Variants in PUM1 observed in about 807,000 individuals in gnomAD.
PUM1 encodes the protein pumilio RNA binding family member 1.
PUM1 carries 13 observed loss-of-function variants against 131.8 expected under a neutral mutation model. That is an observed-to-expected ratio of 0.10 (90% CI 0.06 to 0.16). The LOEUF (loss-of-function observed/expected upper bound fraction) is 0.16, where lower values mean the gene tolerates loss of function less well. Ranked by LOEUF, PUM1 falls within the 10% of genes least tolerant of loss-of-function variation. The pLI is 1.00. For missense variants in PUM1, 961 were observed against 1,512.4 expected, an observed-to-expected ratio of 0.64 and a Z score of 6.05; for synonymous variants, 509 against 556.5, an observed-to-expected ratio of 0.91 and a Z score of 1.20.
chr1:31,065,616 G>A lies in PUM1; in HGVS notation c.-12C>T, dbSNP rs1023736812. ...GGGCCGGTGGGGTGCGGATACTCAC[G>A]GGCGGAGCGGTAGGATGAAGATGGA... is the stretch of plus-strand genomic sequence containing the variant. On this transcript the variant is annotated splice_region_variant and 5_prime_UTR_variant, in exon 1 of 22. Coordinates refer to ENST00000426105, the MANE Select transcript of PUM1 (RefSeq NM_001020658.2). 3 of 1,546,864 alleles carry A rather than the reference G, an allele frequency of 1.9e-6. No individual in the cohort carries two copies. The highest frequency in any genetic ancestry group is 2.6e-6 in the Non-Finnish European group (3 of 1,146,514).
In PUM1 at chr1:30,942,755, C is replaced by T. The variant is rs138328242; in HGVS notation, c.2995-632G>A. 7.2e-5 allele frequency among the ~76,000 whole-genome samples: 11 copies of T among 152,276 alleles called. No individual in the cohort carries two copies. The East Asian group carries it at 1.9e-3, about 27-fold the overall frequency. On this transcript the variant is annotated intron_variant, in intron 18 of 21. Coordinates refer to ENST00000426105, the MANE Select transcript of PUM1 (RefSeq NM_001020658.2). ...GATGCTTGCCAAGTGTAAGTCATCA[C>T]ACCCAGTGCTTTCTGTATGATTTTG...
intron 17 of PUM1, among the ~76,000 whole-genome samples, chr1:30,946,095 G>C (rs1229541994): frequency 1.3e-5 from 2 of 151,208 alleles, no homozygotes; most frequent in Non-Finnish European, 2.9e-5. Flanking sequence ...AACTCCTAGA[G>C]CTTAAAAAAA....
At chr1:31,055,723 G>C (rs1392017483) in intron 2 of PUM1, among the ~76,000 whole-genome samples, 1 of 152,208 alleles carries the variant, frequency 6.6e-6, no homozygotes, top group East Asian at 1.9e-4. Flanking sequence ...GATTCCTTAT[G>C]ATAGGGCTCA....
Position 31,065,715 on chromosome 1 carries a change from A to T in PUM1, c.-111T>A. 1.3e-6 allele frequency: 2 copies of T among 1,547,404 alleles called. No homozygotes were observed. Among genetic ancestry groups the T allele is most frequent in the Non-Finnish European group, 1.7e-6 (2 of 1,146,310 alleles). ...TTTCACTCCGACAACATGGCGGCCC[A>T]CTGGGGACTGGGTTGGCGCGGTGCA... On this transcript the variant is annotated 5_prime_UTR_variant, in exon 1 of 22. Coordinates refer to ENST00000426105, the MANE Select transcript of PUM1 (RefSeq NM_001020658.2).
intron 1 of PUM1, chr1:31,061,622 A>T (rs892034864): frequency 2.0e-5 from 3 of 151,338 alleles, no homozygotes; most frequent in Admixed American, 6.6e-5. Flanking sequence ...AAATAAAATA[A>T]TTTTTTTAAA....
chr1:31,003,602 C>A (rs1642294319), intron 5 of PUM1, among the ~76,000 whole-genome samples: 1 of 152,020 alleles, frequency 6.6e-6, no homozygotes, highest in Non-Finnish European at 1.5e-5. Context: ...ACTAAAAATA[C>A]AAAAATTACC....
At chr1:31,038,984 A>ATATATATATATAT in intron 2 of PUM1, among the ~76,000 whole-genome samples, 45 of 49,406 alleles carry the variant, frequency 9.1e-4, no homozygotes, top group Non-Finnish European at 1.2e-3. Flanking sequence ...ATATATATAT[A>ATATATATATATAT]TTTTTTTTTT....
At chr1:30,960,613 A>G (rs1030123252) in intron 14 of PUM1, among the ~76,000 whole-genome samples, 1 of 152,226 alleles carries the variant, frequency 6.6e-6, no homozygotes, top group Non-Finnish European at 1.5e-5. Flanking sequence ...ATAGTCTATC[A>G]AAAGATAAAA....
rs185785775 is a variant in PUM1 at position 30,935,027 on chromosome 1, C to T, written c.3435+1616G>A. ...CTCCCTCAGCCAACCAACTGCTAAGCCCTACCAATTCTAGCACCCTATTCT... is the reference window on the plus strand; with the variant it reads ...CTCCCTCAGCCAACCAACTGCTAAGTCCTACCAATTCTAGCACCCTATTCT... On this transcript the variant is annotated intron_variant, in intron 21 of 21. Coordinates refer to ENST00000426105, the MANE Select transcript of PUM1 (RefSeq NM_001020658.2). Among the ~76,000 whole-genome samples the T allele has an allele frequency of 1.6e-3, 241 of 152,296 alleles. 1 individual carries two copies. Among genetic ancestry groups the T allele is most frequent in the Non-Finnish European group, 1.0e-3 (69 of 68,022 alleles).
intron 2 of PUM1, among the ~76,000 whole-genome samples, chr1:31,039,222 A>ATT (rs1321020031): frequency 1.8e-5 from 2 of 111,930 alleles, no homozygotes; most frequent in African/African-American, 6.9e-5. Flanking sequence ...CAAAAAAAAA[A>ATT]TTTTTTTTTT....
At chr1:30,994,010 C>T (rs113509933) in intron 6 of PUM1, among the ~76,000 whole-genome samples, 10 of 152,240 alleles carry the variant, frequency 6.6e-5, no homozygotes, top group African/African-American at 2.4e-4. Flanking sequence ...GTGGTGGCTG[C>T]AGTGAGCTAA....
At chr1:30,985,701 G>C (rs1641529912) in intron 7 of PUM1, among the ~76,000 whole-genome samples, 1 of 149,910 alleles carries the variant, frequency 6.7e-6, no homozygotes, top group Admixed American at 6.6e-5. Flanking sequence ...AGGACCACCA[G>C]CTGCTATCAG....
rs979610761 is a variant in PUM1, at chr1:31,005,674, T to C, written c.720+179A>G. Among the ~76,000 whole-genome samples, 9 of 152,214 alleles carry C rather than the reference T, an allele frequency of 5.9e-5. No homozygotes were observed. The South Asian group carries it at 1.2e-3, about 21-fold the overall frequency. ...TTAGTTTTTAAAAGTTGAGTTTACA[T>C]CTCCTACTATGTTTGCTGAGTTCTA... On this transcript the variant is annotated intron_variant, in intron 5 of 21. Transcript: ENST00000426105.
Position 30,974,778 on chromosome 1 carries a change from T to C in PUM1, c.1379A>G (p.Tyr460Cys), listed in dbSNP as rs1405560617. 6.2e-7 allele frequency: 1 copy of C among 1,612,656 alleles called. No individual in the cohort carries two copies. The highest frequency in any genetic ancestry group is 8.5e-7 in the Non-Finnish European group (1 of 1,179,552). The change falls in exon 10 of 22, where the codon TAT becomes TGT. Residue 460 changes from tyrosine to cysteine, a missense_variant. By Grantham distance (194) the Tyr-to-Cys change is radical. Around this residue, in one of 4 missense-constraint regions of PUM1, gnomAD observed 654 missense variants for 923.9 expected, o/e 0.71. Transcript: ENST00000426105. Reference sequence around the variant, plus strand: ...GACTCCCCAGGGAGTAACTCCATAATACTGGTGAGGGACCACAGCTGGGCC... The same window carrying C: ...GACTCCCCAGGGAGTAACTCCATAACACTGGTGAGGGACCACAGCTGGGCC... ...TLGPAVVPHQ[Y>C]YGVTPWGVYP...
At chr1:30,979,423 G>C (rs1470431689) in intron 9 of PUM1, among the ~76,000 whole-genome samples, 1 of 152,152 alleles carries the variant, frequency 6.6e-6, no homozygotes, top group African/African-American at 2.4e-5. Flanking sequence ...CATGGTGATA[G>C]AGCCCTATAT....
chr1:30,988,639 T>C (rs1364375647), intron 7 of PUM1, among the ~76,000 whole-genome samples: 2 of 152,346 alleles, frequency 1.3e-5, no homozygotes, highest in East Asian at 3.9e-4. Flanking sequence ...TCATCAGTAC[T>C]GTCTGAGACT....
intron 2 of PUM1, among the ~76,000 whole-genome samples, chr1:31,040,540 G>A (rs556709517): frequency 1.6e-4 from 24 of 152,254 alleles, no homozygotes; most frequent in African/African-American, 5.5e-4. Flanking sequence ...AATAGGATGG[G>A]TATTCACAAA....
Position 31,018,999 on chromosome 1 carries a change from G to T in PUM1, c.432+9797C>A, listed in dbSNP as rs1208443730. ...CTGAAGATCCTCTATAGGCTGCTGG[G>T]CGACAGTAAGAGCAAAAAGAGCAAT... is the stretch of plus-strand genomic sequence containing the variant. On this transcript the variant is annotated intron_variant, in intron 3 of 21. Transcript: ENST00000426105. 1.2e-4 allele frequency among the ~76,000 whole-genome samples: 18 copies of T among 152,324 alleles called. No homozygotes were observed. The East Asian group carries it at 3.3e-3, about 28-fold the overall frequency.
intron 5 of PUM1, among the ~76,000 whole-genome samples, chr1:30,998,597 G>C (rs1642070781): frequency 6.6e-6 from 1 of 152,092 alleles, no homozygotes; most frequent in South Asian, 2.1e-4. Flanking sequence ...TGAGCTGTGG[G>C]GTGGGCACTT....
Sources: allele counts gnomAD v4.1 joint callset (sites outside exome capture counted in the v4.1 genomes callset), GRCh38; gene constraint gnomAD v4.1.1; regional missense constraint gnomAD v4.1.1; transcripts MANE v1.5; gene names NCBI Gene and HGNC (gene_info 2026-07-23, HGNC 2026-07-21).